TNFRSF9: variants seen among roughly 807,000 people sequenced by gnomAD.
TNFRSF9 encodes the protein tumor necrosis factor receptor superfamily member 9.
Under a neutral mutation model 28.8 loss-of-function variants are expected in TNFRSF9, and 16 were observed. That is an observed-to-expected ratio of 0.55 (90% CI 0.38 to 0.84). The LOEUF (loss-of-function observed/expected upper bound fraction) is 0.84, where lower values mean the gene tolerates loss of function less well. TNFRSF9 is among the 40% of genes least tolerant of loss of function. The pLI is 0.00. For synonymous variants in TNFRSF9, 131 were observed against 117.0 expected (o/e 1.12, Z -0.77); for missense variants, 303 against 315.0 (o/e 0.96, Z 0.29).
Position 7,916,611 on chromosome 1 carries a change from T to A in TNFRSF9, c.*4224A>T, listed in dbSNP as rs1639480785. ...GCAGTAGGTAATTAAACACCATGTG[T>A]CCAAAGCCAAGAGGAGAAATCACTT... is the stretch of plus-strand genomic sequence containing the variant. On this transcript the variant is annotated 3_prime_UTR_variant, in exon 8 of 8. Transcript: ENST00000377507. 1 of 152,188 alleles carries A rather than the reference T, an allele frequency of 6.6e-6. No individual in the cohort carries two copies. The highest frequency in any genetic ancestry group is 1.5e-5 in the Non-Finnish European group (1 of 68,026). The allele number at this position is 152,188 out of a possible 1,614,324, so 9.4% of individuals were successfully genotyped here.
rs1639510968 is a variant in TNFRSF9 at position 7,918,426 on chromosome 1, T to C, written c.*2409A>G. ...AAAGGTTTTTCTCTGTTGCCCAGGC[T>C]GAAGTGTAGTGATGCGGTCCCAGCT... On this transcript the variant is annotated 3_prime_UTR_variant, in exon 8 of 8. Transcript: ENST00000377507. The C allele has an allele frequency of 6.6e-6, 1 of 152,194 alleles. No individual in the cohort carries two copies. Among genetic ancestry groups the C allele is most frequent in the Admixed American group, 6.6e-5 (1 of 15,250 alleles). The allele number at this position is 152,194 out of a possible 1,614,324, so 9.4% of individuals were successfully genotyped here. A position where few individuals can be genotyped will look rare whatever the true frequency, so the allele number is the denominator to read the frequency against.
chr1:7,935,224 C>T (rs556046430), intron 5 of TNFRSF9, 81 bp from the exon 6 acceptor site: 473 of 1,487,678 alleles, frequency 3.2e-4, no homozygotes, highest in Non-Finnish European at 4.1e-4. Flanking sequence ...CATTTTTCAC[C>T]CAATGAAGTA....
Position 7,918,264 on chromosome 1 carries a change from GT to G in TNFRSF9, c.*2570del. On this transcript the variant is annotated 3_prime_UTR_variant, in exon 8 of 8. Coordinates refer to ENST00000377507, the MANE Select transcript of TNFRSF9 (RefSeq NM_001561.6). ...GCCCCGCAAAGTGCTGGGATTACAG[GT>G]GTGAGCTACCGTGCCTGGCCACAAA... 6.6e-6 allele frequency: 1 copy of G among 152,272 alleles called. No homozygotes were observed. The highest frequency in any genetic ancestry group is 1.5e-5 in the Non-Finnish European group (1 of 68,054). 9.4% of individuals were successfully genotyped at this position (152,272 alleles called of 1,614,324 possible). A position where few individuals can be genotyped will look rare whatever the true frequency, so the allele number is the denominator to read the frequency against.
chr1:7,937,845 C>T (rs1488984099), intron 4 of TNFRSF9, 89 bp from the exon 5 acceptor site: 1 of 1,143,578 alleles, frequency 8.7e-7, no homozygotes, highest in Non-Finnish European at 1.3e-6. Context: ...TAAGTCATTA[C>T]CATAATGCAA....
chr1:7,929,768 C>T (rs1237001525), intron 7 of TNFRSF9, among the ~76,000 whole-genome samples: 1 of 152,062 alleles, frequency 6.6e-6, no homozygotes, highest in African/African-American at 2.4e-5. Context: ...TTTTATTGTG[C>T]TGGTTGTTAT....
intron 7 of TNFRSF9, among the ~76,000 whole-genome samples, chr1:7,924,310 T>C (rs1226588804): frequency 9.4e-6 from 1 of 106,130 alleles, no homozygotes; most frequent in Non-Finnish European, 1.6e-5. Flanking sequence ...TATATATATA[T>C]ATATATATAT....
At chr1:7,921,947 A>G (rs1038652687) in intron 7 of TNFRSF9, 2 of 152,212 alleles carry the variant, frequency 1.3e-5, no homozygotes, top group African/African-American at 4.8e-5. Context: ...GGTTACTGAG[A>G]TTCGAGATCC....
In TNFRSF9 at chr1:7,920,856, T is replaced by G; in HGVS notation, c.747A>C (p.Glu249Asp). ...CATTTCACAGTTCACATCCTCCTTC[T>G]TCTTCTTCTGGAAATCGGCAGCTAC... The part of the protein sequence containing the change: ...DGCSCRFPEE[E>D]EGGCEL The change falls in exon 8 of 8, where the codon GAA becomes GAC. Residue 249 changes from glutamate to aspartate, a missense_variant. Coordinates refer to ENST00000377507, the MANE Select transcript of TNFRSF9 (RefSeq NM_001561.6). 1 of 1,614,004 alleles carries G rather than the reference T, an allele frequency of 6.2e-7. No homozygotes were observed. The highest frequency in any genetic ancestry group is 8.5e-7 in the Non-Finnish European group (1 of 1,179,910).
intron 2 of TNFRSF9, among the ~76,000 whole-genome samples, chr1:7,939,338 A>T (rs1639867233): frequency 6.9e-6 from 1 of 145,190 alleles, no homozygotes; most frequent in Non-Finnish European, 1.5e-5. Flanking sequence ...AAAAAAAAAC[A>T]TACACACACA....
rs2151409805 is a variant in TNFRSF9 at position 7,920,377 on chromosome 1, G to C, written c.*458C>G. 6.6e-6 allele frequency: 1 copy of C among 150,944 alleles called. No homozygotes were observed. Among genetic ancestry groups the C allele is most frequent in the Admixed American group, 6.6e-5 (1 of 15,148 alleles). The allele number at this position is 150,944 out of a possible 1,614,324, so 9.4% of individuals were successfully genotyped here. ...CTGTTAAAAGTGGTGCATTATTTTGGCCGGGCCTGGCAGTTCATGTCTGTA... is the reference window on the plus strand; with the variant it reads ...CTGTTAAAAGTGGTGCATTATTTTGCCCGGGCCTGGCAGTTCATGTCTGTA... On this transcript the variant is annotated 3_prime_UTR_variant, in exon 8 of 8. Transcript: ENST00000377507.
chr1:7,937,904 A>T, intron 4 of TNFRSF9, 148 bp from the exon 5 acceptor site: 1 of 704,822 alleles, frequency 1.4e-6, no homozygotes. Flanking sequence ...TAAGATGGCT[A>T]GTTTTTATTT....
At chr1:7,933,107 C>T (rs148926159) in intron 7 of TNFRSF9, 55 bp downstream of exon 7, 5 of 1,536,030 alleles carry the variant, frequency 3.3e-6, no homozygotes, top group Non-Finnish European at 4.4e-6. Flanking sequence ...ATTTTCCTTT[C>T]TATTATAAAA....
At chr1:7,929,777 A>C (rs1262527797) in intron 7 of TNFRSF9, among the ~76,000 whole-genome samples, 1 of 152,076 alleles carries the variant, frequency 6.6e-6, no homozygotes, top group African/African-American at 2.4e-5. Context: ...GCTGGTTGTT[A>C]TACAACTCCA....
intron 6 of TNFRSF9, among the ~76,000 whole-genome samples, 157 bp from the exon 7 acceptor site, chr1:7,933,453 G>A (rs563323962): frequency 1.2e-4 from 18 of 152,282 alleles, no homozygotes; most frequent in Middle Eastern, 6.8e-3. Context: ...AACTTTTAAA[G>A]AGGCCAGACA....
At position 7,919,707 on chromosome 1, in the gene TNFRSF9, C is replaced by A. The variant is rs1639529487; in HGVS notation, c.*1128G>T. On this transcript the variant is annotated 3_prime_UTR_variant, in exon 8 of 8. Transcript: ENST00000377507. ...TTCCAGCCTGGGCAACAGAGCAAGA[C>A]TGTCTCAAGCAAACCAACAGACAAA... is the stretch of plus-strand genomic sequence containing the variant. The A allele has an allele frequency of 6.6e-6, 1 of 152,270 alleles. No homozygotes were observed. Among genetic ancestry groups the A allele is most frequent in the African/African-American group, 2.4e-5 (1 of 41,444 alleles). 9.4% of individuals were successfully genotyped at this position (152,270 alleles called of 1,614,324 possible). A position where few individuals can be genotyped will look rare whatever the true frequency, so the allele number is the denominator to read the frequency against.
chr1:7,931,743 A>G (rs987808018), intron 7 of TNFRSF9, among the ~76,000 whole-genome samples: 1 of 152,248 alleles, frequency 6.6e-6, no homozygotes, highest in Non-Finnish European at 1.5e-5. Context: ...GTTTACAACA[A>G]TTTGTTAAAC....
rs376214771 is a variant in TNFRSF9 at position 7,938,188 on chromosome 1, C to A, written c.346+5G>T. The stretch of plus-strand genomic sequence containing the variant: ...CTACACTAGATCAAAGAAACGCAAA[C>A]GTACCTTTTTTTGTCAGTTCTTGAC... On this transcript the variant is annotated splice_donor_5th_base_variant and intron_variant, in intron 4 of 7. Coordinates refer to ENST00000377507, the MANE Select transcript of TNFRSF9 (RefSeq NM_001561.6). 2 of 1,573,548 alleles carry A rather than the reference C, an allele frequency of 1.3e-6. No individual in the cohort carries two copies. Among genetic ancestry groups the A allele is most frequent in the African/African-American group, 2.7e-5 (2 of 73,184 alleles).
Position 7,933,312 on chromosome 1 carries a change from A to G in TNFRSF9, c.545-16T>C. 6.2e-7 allele frequency: 1 copy of G among 1,609,472 alleles called. No individual in the cohort carries two copies. The highest frequency in any genetic ancestry group is 8.5e-7 in the Non-Finnish European group (1 of 1,178,110). On this transcript the variant is annotated splice_polypyrimidine_tract_variant and intron_variant, in intron 6 of 7. Coordinates refer to ENST00000377507, the MANE Select transcript of TNFRSF9 (RefSeq NM_001561.6). The stretch of plus-strand genomic sequence containing the variant: ...GGAGAGTGTCCTGCAAAACACAGCA[A>G]AAGGAGAAACGCATGCAGAAATGTG...
At chr1:7,928,438 C>T (rs763421898) in intron 7 of TNFRSF9, among the ~76,000 whole-genome samples, 45 of 152,254 alleles carry the variant, frequency 3.0e-4, no homozygotes, top group Non-Finnish European at 5.1e-4. Flanking sequence ...ACAAGCATAT[C>T]GTGGAATACT....
Sources: allele counts gnomAD v4.1 joint callset (sites outside exome capture counted in the v4.1 genomes callset), GRCh38; gene constraint gnomAD v4.1.1; transcripts MANE v1.5; gene names NCBI Gene and HGNC (gene_info 2026-07-23, HGNC 2026-07-21).